Variants in C11orf42 observed in about 807,000 individuals in gnomAD.
C11orf42 encodes the protein uncharacterized protein C11orf42.
C11orf42 carries 24 observed loss-of-function variants against 27.9 expected under a neutral mutation model. That is an observed-to-expected ratio of 0.86 (90% confidence interval 0.62 to 1.21). The LOEUF (loss-of-function observed/expected upper bound fraction) is 1.21. C11orf42 is among the 50% of genes most tolerant of loss of function. The pLI, the probability that C11orf42 is intolerant of heterozygous loss-of-function variation, is 0.00. For missense variants in C11orf42, 455 were observed against 424.1 expected (o/e 1.07, Z -0.64); for synonymous variants, 187 against 180.8 (o/e 1.03, Z -0.28).
chr11:6,210,140 C>G lies in C11orf42; in HGVS notation c.363C>G (p.Cys121Trp). The G allele has an allele frequency of 6.2e-7, 1 of 1,614,210 alleles. No individual in the cohort carries two copies. Among genetic ancestry groups the G allele is most frequent in the Non-Finnish European group, 8.5e-7 (1 of 1,180,038 alleles). ...CGCGAATGTTGGATGGACAGCCCTG[C>G]AAGATCCGCCTACATATGGGTGACC... Reference protein sequence around the residue: ...EETRMLDGQPCKIRLHMGDLR... With the variant: ...EETRMLDGQPWKIRLHMGDLR... The change falls in exon 2 of 3, where the codon TGC becomes TGG. Residue 121 changes from cysteine to tryptophan, a missense_variant. Coordinates refer to ENST00000316375, the MANE Select transcript of C11orf42 (RefSeq NM_173525.3). The surrounding 1 kb of genome is among the most constrained non-coding windows in gnomAD (Gnocchi z 4.0).
At position 6,210,765 on chromosome 11, in the gene C11orf42, A is replaced by G. The variant is rs1847048918; in HGVS notation, c.871+117A>G. ...ACTCAGCACAGGGCTCTGGTGAAAG[A>G]GATGGAATGAGGGAGACTGGGGAGG... On this transcript the variant is annotated intron_variant, in intron 2 of 2. Coordinates refer to ENST00000316375, the MANE Select transcript of C11orf42 (RefSeq NM_173525.3). The surrounding 1 kb of genome is among the most constrained non-coding windows in gnomAD (Gnocchi z 4.0). 2.9e-6 allele frequency: 4 copies of G among 1,398,524 alleles called. No individual in the cohort carries two copies. The highest frequency in any genetic ancestry group is 3.9e-6 in the Non-Finnish European group (4 of 1,034,010). The allele number at this position is 1,398,524 out of a possible 1,614,324, so 86.6% of individuals were successfully genotyped here.
intron 1 of C11orf42, among the ~76,000 whole-genome samples, chr11:6,208,251 T>C (rs1253244689): frequency 6.6e-6 from 1 of 151,920 alleles, no homozygotes; most frequent in Non-Finnish European, 1.5e-5. Context: ...CCTGAAAGTA[T>C]ACCGTAACTA....
intron 1 of C11orf42, among the ~76,000 whole-genome samples, chr11:6,205,938 C>T (rs990046079): frequency 1.3e-5 from 2 of 152,034 alleles, no homozygotes; most frequent in South Asian, 2.1e-4. Context: ...AGAGGAGATA[C>T]GCTAAGTCAG....
intron 1 of C11orf42, among the ~76,000 whole-genome samples, chr11:6,206,924 A>T (rs1228982886): frequency 1.3e-5 from 2 of 152,228 alleles, no homozygotes; most frequent in Admixed American, 1.3e-4. Context: ...GGATTAGGTC[A>T]CCTTTAAGTG....
Position 6,210,894 on chromosome 11 carries a change from T to C in C11orf42, c.872-18T>C, listed in dbSNP as rs773579187. 5.7e-6 allele frequency: 9 copies of C among 1,591,152 alleles called. No homozygotes were observed. In the East Asian group the frequency reaches 1.1e-4, roughly 20 times the overall value. On this transcript the variant is annotated intron_variant, in intron 2 of 2. Coordinates refer to ENST00000316375, the MANE Select transcript of C11orf42 (RefSeq NM_173525.3). This position sits in a 1 kb window ranked among gnomAD's most constrained non-coding sequence, Gnocchi z 4.0. ...GACCAGCCATGAGTCAAGCTGTGAC[T>C]ATCCCCAACCCTGGCAGAGAACTGG...
At chr11:6,208,797 T>A (rs1232920286) in intron 1 of C11orf42, among the ~76,000 whole-genome samples, 1 of 152,188 alleles carries the variant, frequency 6.6e-6, no homozygotes, top group Non-Finnish European at 1.5e-5. Context: ...ATCTCTAATA[T>A]CTTCCCTCAC....
Position 6,209,965 on chromosome 11 carries a change from T to C in C11orf42, c.188T>C (p.Leu63Pro). The C allele has an allele frequency of 3.1e-6, 5 of 1,613,472 alleles. No homozygotes were observed. The highest frequency in any genetic ancestry group is 1.1e-5 in the South Asian group (1 of 91,084). The change falls in exon 2 of 3, where the codon CTG becomes CCG. Residue 63 changes from leucine (L) to proline (P), a missense_variant. By Grantham distance (98) the Leu-to-Pro change is moderately conservative (BLOSUM62 -3). Transcript: ENST00000316375. ...CAGTCCCGCCCAGCCCATACCCGCC[T>C]GGCTTTGCCAGGTCGGCAGGGCCGG... ...VKQSRPAHTR[L>P]ALPGRQGRRA... is the part of the protein sequence containing the mutation.
chr11:6,210,783 T>G lies in C11orf42; in HGVS notation c.872-129T>G, dbSNP rs1396897130. On this transcript the variant is annotated intron_variant, in intron 2 of 2. Coordinates refer to ENST00000316375, the MANE Select transcript of C11orf42 (RefSeq NM_173525.3). The surrounding 1 kb of genome is among the most constrained non-coding windows in gnomAD (Gnocchi z 4.0). ...GTGAAAGAGATGGAATGAGGGAGAC[T>G]GGGGAGGGTGAGATGGAATGAGGAG... 2 of 1,382,636 alleles carry G rather than the reference T, an allele frequency of 1.4e-6. No homozygotes were observed. The highest frequency in any genetic ancestry group is 1.5e-5 in the African/African-American group (1 of 68,302). The allele number at this position is 1,382,636 out of a possible 1,614,324, so 85.6% of individuals were successfully genotyped here.
chr11:6,210,313 C>A lies in C11orf42; in HGVS notation c.536C>A (p.Ala179Asp), dbSNP rs776426057. The change falls in exon 2 of 3, where the codon GCC (alanine) becomes GAC (aspartate). Residue 179 changes from alanine to aspartate, a missense_variant. Ala to Asp is a moderately radical substitution (Grantham distance 126). Transcript: ENST00000316375. This position sits in a 1 kb window ranked among gnomAD's most constrained non-coding sequence, Gnocchi z 4.0. ...SWLQLGLTST[A>D]REPQLLRLLR... The stretch of plus-strand genomic sequence containing the variant: ...CTGCAGCTGGGGCTGACGTCTACAG[C>A]CCGTGAGCCCCAGCTCCTCCGGCTA... The A allele has an allele frequency of 6.2e-7, 1 of 1,614,216 alleles. No homozygotes were observed. Among genetic ancestry groups the A allele is most frequent in the Non-Finnish European group, 8.5e-7 (1 of 1,180,034 alleles).
chr11:6,207,557 T>C (rs1266769574), intron 1 of C11orf42, among the ~76,000 whole-genome samples: 1 of 152,124 alleles, frequency 6.6e-6, no homozygotes, highest in Non-Finnish European at 1.5e-5. Context: ...AAGCATTGCA[T>C]CCAAAAATGT....
rs530067567 is a variant in C11orf42, at chr11:6,208,569, G to C, written c.73-1281G>C. 1.6e-4 allele frequency among the ~76,000 whole-genome samples: 25 copies of C among 152,268 alleles called. No homozygotes were observed. In the South Asian group the frequency reaches 4.8e-3, roughly 29 times the overall value. ...AGTATCATGAGTAGCTGGGATTACAGGCGTGTGCCACCACACCCAGCTAAT... is the reference window on the plus strand; with the variant it reads ...AGTATCATGAGTAGCTGGGATTACACGCGTGTGCCACCACACCCAGCTAAT... On this transcript the variant is annotated intron_variant, in intron 1 of 2. Transcript: ENST00000316375.
Position 6,210,656 on chromosome 11 carries a change from T to G in C11orf42, c.871+8T>G, listed in dbSNP as rs73392986. The G allele has an allele frequency of 1.7e-3, 2,791 of 1,610,370 alleles. 26 individuals carry two copies. In the African/African-American group the frequency reaches 0.031, roughly 18 times the overall value. On this transcript the variant is annotated splice_region_variant and intron_variant, in intron 2 of 2. Coordinates refer to ENST00000316375, the MANE Select transcript of C11orf42 (RefSeq NM_173525.3). This position sits in a 1 kb window ranked among gnomAD's most constrained non-coding sequence, Gnocchi z 4.0. ...GGCCCCAGATACTGTCAGGTACTAC[T>G]AGGGGAAATGATGATGAGATGGATG...
intron 1 of C11orf42, among the ~76,000 whole-genome samples, chr11:6,209,308 A>G (rs1166769637): frequency 6.6e-6 from 1 of 152,164 alleles, no homozygotes; most frequent in African/African-American, 2.4e-5. Flanking sequence ...GCCTTTCATA[A>G]TCTAGTTCCT....
intron 1 of C11orf42, among the ~76,000 whole-genome samples, chr11:6,206,688 C>T (rs1846982822): frequency 6.6e-6 from 1 of 152,098 alleles, no homozygotes; most frequent in African/African-American, 2.4e-5. Context: ...CTGGAGAGCT[C>T]AAGGTCTTCC....
chr11:6,210,962 G>A lies in C11orf42; in HGVS notation c.922G>A (p.Gly308Ser), dbSNP rs748168292. The A allele has an allele frequency of 1.2e-6, 2 of 1,607,862 alleles. No homozygotes were observed. Among genetic ancestry groups the A allele is most frequent in the East Asian group, 4.5e-5 (2 of 44,778 alleles). The change falls in exon 3 of 3, where the codon GGC becomes AGC. Residue 308 changes from glycine (G) to serine (S), a missense_variant. Transcript: ENST00000316375. This position sits in a 1 kb window ranked among gnomAD's most constrained non-coding sequence, Gnocchi z 4.0. The stretch of plus-strand genomic sequence containing the variant: ...CCCTCCACCAGGAGCCCAGGGTGGG[G>A]GCCCCAGGGACCCCGACGGGCACTC... ...RSPPPGAQGG[G>S]PRDPDGHSMS...
chr11:6,209,319 G>A (rs1252872556), intron 1 of C11orf42, among the ~76,000 whole-genome samples: 1 of 152,018 alleles, frequency 6.6e-6, no homozygotes, highest in East Asian at 1.9e-4. Context: ...TCTAGTTCCT[G>A]TGTGCCTTTC....
Position 6,210,989 on chromosome 11 carries a change from A to C in C11orf42, c.949A>C (p.Met317Leu), listed in dbSNP as rs1397297689. The change falls in exon 3 of 3, where the codon ATG becomes CTG. Residue 317 changes from methionine (M) to leucine (L), a missense_variant. Coordinates refer to ENST00000316375, the MANE Select transcript of C11orf42 (RefSeq NM_173525.3). This position sits in a 1 kb window ranked among gnomAD's most constrained non-coding sequence, Gnocchi z 4.0. ...CCCCAGGGACCCCGACGGGCACTCC[A>C]TGTCCCTGCCCCTGCTGCAGGGTCT... The part of the protein sequence containing the change: ...GGPRDPDGHS[M>L]SLPLLQGLSS... The C allele has an allele frequency of 6.2e-7, 1 of 1,608,832 alleles. No homozygotes were observed. The highest frequency in any genetic ancestry group is 8.5e-7 in the Non-Finnish European group (1 of 1,178,556).
In C11orf42 at chr11:6,210,831, G is replaced by T. The variant is rs1839850713; in HGVS notation, c.872-81G>T. ...GAGGCCCTAGGAAGGGGATTGGGAT[G>T]GCACAGAGGACCAGAGGGAAAAGCT... On this transcript the variant is annotated intron_variant, in intron 2 of 2. Transcript: ENST00000316375. The surrounding 1 kb of genome is among the most constrained non-coding windows in gnomAD (Gnocchi z 4.0). The T allele has an allele frequency of 6.8e-7, 1 of 1,474,700 alleles. No homozygotes were observed. Among genetic ancestry groups the T allele is most frequent in the African/African-American group, 1.4e-5 (1 of 70,216 alleles). 91.4% of individuals were successfully genotyped at this position (1,474,700 alleles called of 1,614,324 possible).
In C11orf42 at chr11:6,211,039, C is replaced by T. The variant is rs991975660; in HGVS notation, c.999C>T (p.Asp333=). 2.8e-5 allele frequency: 45 copies of T among 1,610,354 alleles called. No individual in the cohort carries two copies. The highest frequency in any genetic ancestry group is 3.8e-5 in the Non-Finnish European group (45 of 1,178,864). Residue 333 remains aspartate, a synonymous_variant, in exon 3 of 3, where the codon GAC becomes GAT. Coordinates refer to ENST00000316375, the MANE Select transcript of C11orf42 (RefSeq NM_173525.3). The part of the protein sequence containing the change: ...QGLSSEFDSD[D] ...TATCCTCAGAGTTCGACAGTGACGACTGAAGCTGAAGCAAAAGATTCCGGG... is the reference window on the plus strand; with the variant it reads ...TATCCTCAGAGTTCGACAGTGACGATTGAAGCTGAAGCAAAAGATTCCGGG...
Sources: gnomAD v4.1 joint callset for allele counts (sites outside exome capture counted in the v4.1 genomes callset) on GRCh38, gnomAD v4.1.1 for gene constraint, Gnocchi (gnomAD v3.1) non-coding constraint, MANE v1.5 for transcripts, NCBI Gene and HGNC (gene_info 2026-07-23, HGNC 2026-07-21) for gene names.